Variants in RAB3C observed in about 807,000 individuals in gnomAD.
RAB3C encodes ras-related protein Rab-3C.
Under a neutral mutation model 26.4 loss-of-function variants are expected in RAB3C, and 17 were observed. The ratio of observed to expected loss-of-function variants is 0.64; its 90% CI spans 0.44 to 0.97. The LOEUF is 0.97. Ranked by LOEUF, RAB3C falls within the 50% of genes least tolerant of loss-of-function variation. RAB3C has a pLI of 0.00. For missense variants in RAB3C, 242 were observed against 281.9 expected, an observed-to-expected ratio of 0.86 and a Z score of 1.01; for synonymous variants, 91 against 95.9, an observed-to-expected ratio of 0.95 and a Z score of 0.30.
chr5:58,606,422 A>T (rs963135293), intron 1 of RAB3C, among the ~76,000 whole-genome samples: 23 of 152,236 alleles, frequency 1.5e-4, no homozygotes, highest in Non-Finnish European at 2.6e-4. Flanking sequence ...ACCGCAGCTC[A>T]GCAAGGCCTA....
At chr5:58,847,800 T>C (rs16888700) in intron 4 of RAB3C, among the ~76,000 whole-genome samples, 9,170 of 152,276 alleles carry the variant, frequency 0.06, 377 homozygotes, top group East Asian at 0.13. Flanking sequence ...GACAAACTTA[T>C]GACAAGAGAT....
chr5:58,697,211 G>A (rs140282405), intron 2 of RAB3C, among the ~76,000 whole-genome samples: 3,516 of 152,180 alleles, frequency 0.023, 138 homozygotes, highest in African/African-American at 0.08. Flanking sequence ...AGGTTGTTCC[G>A]TTTCCATGTA....
At chr5:58,809,471 T>C (rs1207924601) in intron 3 of RAB3C, among the ~76,000 whole-genome samples, 1 of 151,812 alleles carries the variant, frequency 6.6e-6, no homozygotes, top group Non-Finnish European at 1.5e-5. Context: ...AAGTTAGTGC[T>C]AGGCAAGAAA....
intron 3 of RAB3C, among the ~76,000 whole-genome samples, chr5:58,772,376 G>T (rs1742047333): frequency 6.6e-6 from 1 of 152,108 alleles, no homozygotes; most frequent in African/African-American, 2.4e-5. Context: ...TGAGATTATT[G>T]TTCTTTAAGT....
intron 2 of RAB3C, among the ~76,000 whole-genome samples, chr5:58,667,893 A>G (rs1484748228): frequency 6.6e-6 from 1 of 152,114 alleles, no homozygotes; most frequent in Non-Finnish European, 1.5e-5. Context: ...TTTTATGGTG[A>G]TTATATTCTA....
At chr5:58,833,875 G>A (rs1743675017) in intron 4 of RAB3C, among the ~76,000 whole-genome samples, 1 of 152,154 alleles carries the variant, frequency 6.6e-6, no homozygotes, top group African/African-American at 2.4e-5. Context: ...GATACACATA[G>A]GAGGACAGTG....
chr5:58,673,608 A>T (rs1475154113), intron 2 of RAB3C, among the ~76,000 whole-genome samples: 1 of 152,206 alleles, frequency 6.6e-6, no homozygotes, highest in African/African-American at 2.4e-5. Flanking sequence ...AAGGATTTTA[A>T]AGCAGATTGT....
At chr5:58,626,824 CT>C (rs1388774758) in intron 2 of RAB3C, among the ~76,000 whole-genome samples, 1 of 152,046 alleles carries the variant, frequency 6.6e-6, no homozygotes, top group African/African-American at 2.4e-5. Flanking sequence ...AGTAGTAGTA[CT>C]TTTTTTGGTA....
chr5:58,810,179 C>T (rs1402875550), intron 3 of RAB3C, among the ~76,000 whole-genome samples: 1 of 152,184 alleles, frequency 6.6e-6, no homozygotes, highest in East Asian at 1.9e-4. Flanking sequence ...GCCAGTGTCT[C>T]CCATCAGAAA....
At chr5:58,724,072 A>G (rs1430936609) in intron 2 of RAB3C, among the ~76,000 whole-genome samples, 1 of 151,788 alleles carries the variant, frequency 6.6e-6, no homozygotes, top group Non-Finnish European at 1.5e-5. Context: ...CTGATTCCCA[A>G]ATTGAACTGT....
chr5:58,701,975 A>C (rs1243343596), intron 2 of RAB3C, among the ~76,000 whole-genome samples: 1 of 152,136 alleles, frequency 6.6e-6, no homozygotes, highest in African/African-American at 2.4e-5. Context: ...CCCCTTGGAG[A>C]GCCATCATTC....
intron 3 of RAB3C, among the ~76,000 whole-genome samples, chr5:58,762,527 T>C (rs563328753): frequency 1.3e-5 from 2 of 152,202 alleles, no homozygotes; most frequent in East Asian, 3.9e-4. Context: ...ACCCCATCTC[T>C]ACTAAAAATA....
chr5:58,810,369 C>CTT (rs1743042909), intron 3 of RAB3C, among the ~76,000 whole-genome samples: 1 of 98,530 alleles, frequency 1.0e-5, no homozygotes, highest in Non-Finnish European at 2.5e-5. Context: ...TGTGTGCTCT[C>CTT]TCTCTCTCTC....
At chr5:58,821,060 C>T (rs1045819900) in intron 3 of RAB3C, among the ~76,000 whole-genome samples, 6 of 152,190 alleles carry the variant, frequency 3.9e-5, no homozygotes, top group Non-Finnish European at 8.8e-5. Flanking sequence ...TTTATACAGT[C>T]AGGGGTGCAG....
chr5:58,772,736 C>T (rs2111990107), intron 3 of RAB3C, among the ~76,000 whole-genome samples: 1 of 152,264 alleles, frequency 6.6e-6, no homozygotes, highest in Middle Eastern at 3.4e-3. Flanking sequence ...GCATAATAAT[C>T]TAAATCTTTG....
intron 3 of RAB3C, among the ~76,000 whole-genome samples, chr5:58,776,743 A>G (rs2111995188): frequency 6.6e-6 from 1 of 152,248 alleles, no homozygotes; most frequent in Admixed American, 6.5e-5. Flanking sequence ...ATCACAGTCC[A>G]TTGCAGTCCC....
In RAB3C at chr5:58,856,636, G is replaced by T. The variant is rs1744266116; in HGVS notation, c.*5285G>T. The T allele has an allele frequency of 6.6e-6, 1 of 152,140 alleles. No homozygotes were observed. Among genetic ancestry groups the T allele is most frequent in the African/African-American group, 2.4e-5 (1 of 41,422 alleles). The allele number at this position is 152,140 out of a possible 1,614,324, so 9.4% of individuals were successfully genotyped here. On this transcript the variant is annotated 3_prime_UTR_variant, in exon 5 of 5. Coordinates refer to ENST00000282878, the MANE Select transcript of RAB3C (RefSeq NM_138453.4). ...CTTCATCGTGGACAAGTGAGAGTTGGCTGTGGCTTTATTTCTTGAGGCAAA... is the reference window on the plus strand; with the variant it reads ...CTTCATCGTGGACAAGTGAGAGTTGTCTGTGGCTTTATTTCTTGAGGCAAA...
Position 58,853,537 on chromosome 5 carries a change from T to G in RAB3C, c.*2186T>G, listed in dbSNP as rs538824021. The G allele has an allele frequency of 6.6e-6, 1 of 152,306 alleles. No individual in the cohort carries two copies. Among genetic ancestry groups the G allele is most frequent in the East Asian group, 1.9e-4 (1 of 5,178 alleles). The allele number at this position is 152,306 out of a possible 1,614,324, so 9.4% of individuals were successfully genotyped here. ...ATTTAAAAGTGAAAGAGCAGAGTTT[T>G]GCTCTGCTGAAAACCCCTTCCCTGA... On this transcript the variant is annotated 3_prime_UTR_variant, in exon 5 of 5. Transcript: ENST00000282878.
In RAB3C at chr5:58,745,323, G is replaced by T. The variant is rs191239548; in HGVS notation, c.371+19203G>T. On this transcript the variant is annotated intron_variant, in intron 3 of 4. Transcript: ENST00000282878. The stretch of plus-strand genomic sequence containing the variant: ...TGAGGCAGGAGAATGGTGTGAACCC[G>T]GGAGGCAGAGCTTGCATTGAGCCGA... Among the ~76,000 whole-genome samples the T allele has an allele frequency of 2.2e-4, 32 of 148,826 alleles. No homozygotes were observed. The East Asian group carries it at 5.4e-3, about 25-fold the overall frequency.
Sources: allele counts gnomAD v4.1 joint callset (sites outside exome capture counted in the v4.1 genomes callset), GRCh38; gene constraint gnomAD v4.1.1; transcripts MANE v1.5; gene names NCBI Gene and HGNC (gene_info 2026-07-23, HGNC 2026-07-21).